Variants in CHPF2 observed in about 807,000 individuals in gnomAD.
The protein encoded by CHPF2 is chondroitin polymerizing factor 2, non-catalytic subunit.
A neutral mutation model predicts 63.0 loss-of-function variants in CHPF2; 58 were observed. That is an observed-to-expected ratio of 0.92 (90% CI 0.75 to 1.15). The LOEUF is 1.15. Ranked by LOEUF, CHPF2 falls within the 50% of genes most tolerant of loss-of-function variation. The probability of loss-of-function intolerance (pLI) is 0.00; values close to 1 mark genes in which losing one functional copy is unlikely to be tolerated. For missense variants in CHPF2, 1,045 were observed against 1,035.4 expected (o/e 1.01, Z -0.13); for synonymous variants, 442 against 438.0 (o/e 1.01, Z -0.11).
At chr7:151,236,351 C>A in intron 2 of CHPF2, 57 bp from the exon 3 acceptor site, 1 of 1,444,058 alleles carries the variant, frequency 6.9e-7, no homozygotes, top group Non-Finnish European at 9.4e-7. Context: ...TGGTTAAGGG[C>A]GGTTTGGGAC....
Position 151,232,611 on chromosome 7 carries a change from C to G in CHPF2, c.-1401C>G, listed in dbSNP as rs1473505588. ...CCTGCCAGGCGCGTGCGGGACGCCGCTCTTGGTCCCCACGCCTCCGCCCCG... is the reference window on the plus strand; with the variant it reads ...CCTGCCAGGCGCGTGCGGGACGCCGGTCTTGGTCCCCACGCCTCCGCCCCG... On this transcript the variant is annotated 5_prime_UTR_variant, in exon 1 of 4. Coordinates refer to ENST00000035307, the MANE Select transcript of CHPF2 (RefSeq NM_019015.3). The G allele has an allele frequency of 9.9e-6, 7 of 703,634 alleles. No individual in the cohort carries two copies. In the East Asian group the frequency reaches 2.4e-4, roughly 24 times the overall value. 43.6% of individuals were successfully genotyped at this position (703,634 alleles called of 1,614,324 possible). A position where few individuals can be genotyped will look rare whatever the true frequency, so the allele number is the denominator to read the frequency against.
Position 151,232,822 on chromosome 7 carries a change from C to T in CHPF2, c.-1190C>T. 1.4e-6 allele frequency: 2 copies of T among 1,477,044 alleles called. No homozygotes were observed. Among genetic ancestry groups the T allele is most frequent in the Non-Finnish European group, 8.9e-7 (1 of 1,120,172 alleles). The allele number at this position is 1,477,044 out of a possible 1,614,324, so 91.5% of individuals were successfully genotyped here. On this transcript the variant is annotated 5_prime_UTR_variant, in exon 1 of 4. Coordinates refer to ENST00000035307, the MANE Select transcript of CHPF2 (RefSeq NM_019015.3). ...GACTGGCCTGAGAACGAGGTCTGTGCCCCAGTCTCCCAGCCGCGACCTCCG... is the reference window on the plus strand; with the variant it reads ...GACTGGCCTGAGAACGAGGTCTGTGTCCCAGTCTCCCAGCCGCGACCTCCG...
Position 151,237,874 on chromosome 7 carries a change from G to C in CHPF2, c.1512G>C (p.Pro504=), listed in dbSNP as rs761507019. The change falls in exon 4 of 4, where the codon CCG becomes CCC. Residue 504 remains proline, a synonymous_variant. Transcript: ENST00000035307. The part of the protein sequence containing the change: ...PLLVAEAAAA[P]AFLEAFAANV... Reference sequence around the variant, plus strand: ...TGGTGGCTGAAGCTGCTGCAGCCCCGGCTTTCCTCGAGGCCTTTGCAGCCA... The same window carrying C: ...TGGTGGCTGAAGCTGCTGCAGCCCCCGCTTTCCTCGAGGCCTTTGCAGCCA... 3.7e-6 allele frequency: 6 copies of C among 1,612,682 alleles called. No individual in the cohort carries two copies. In the Middle Eastern group the frequency reaches 4.9e-4, roughly 133 times the overall value.
chr7:151,238,801 A>G lies in CHPF2; in HGVS notation c.*120A>G, dbSNP rs1802795806. 5.2e-6 allele frequency: 8 copies of G among 1,545,296 alleles called. No homozygotes were observed. Among genetic ancestry groups the G allele is most frequent in the South Asian group, 1.2e-5 (1 of 84,060 alleles). On this transcript the variant is annotated 3_prime_UTR_variant, in exon 4 of 4. Coordinates refer to ENST00000035307, the MANE Select transcript of CHPF2 (RefSeq NM_019015.3). ...TGTATTTTTTAAATATGAAAATGTTATTAAACATGTCTTCTGCCAAACTGT... is the reference window on the plus strand; with the variant it reads ...TGTATTTTTTAAATATGAAAATGTTGTTAAACATGTCTTCTGCCAAACTGT...
rs904645654 is a variant in CHPF2 at position 151,236,131 on chromosome 7, A to G, written c.829-277A>G. Among the ~76,000 whole-genome samples, 9 of 152,362 alleles carry G rather than the reference A, an allele frequency of 5.9e-5. No individual in the cohort carries two copies. The East Asian group carries it at 1.3e-3, about 23-fold the overall frequency. On this transcript the variant is annotated intron_variant, in intron 2 of 3. Transcript: ENST00000035307. ...AAGTATCATTATTATTATTTTTAATATGTTATTTCTGTGATGGCTCCTTGC... is the reference window on the plus strand; with the variant it reads ...AAGTATCATTATTATTATTTTTAATGTGTTATTTCTGTGATGGCTCCTTGC...
In CHPF2 at chr7:151,234,028, T is replaced by C. The variant is rs1029577795; in HGVS notation, c.17T>C (p.Leu6Pro). The change falls in exon 1 of 4, where the codon CTG becomes CCG. Residue 6 changes from leucine to proline, a missense_variant. Physicochemically the swap from Leu to Pro is moderately conservative, Grantham distance 98 (BLOSUM62 -3). Coordinates refer to ENST00000035307, the MANE Select transcript of CHPF2 (RefSeq NM_019015.3). MRLSSLLALLRPALPL... is the reference protein window; with the variant it reads MRLSSPLALLRPALPL... ...CCTACCACCATGCGACTGAGCTCCC[T>C]GTTGGCTCTGCTGCGGCCAGCGCTT... 1 of 1,533,254 alleles carries C rather than the reference T, an allele frequency of 6.5e-7. No individual in the cohort carries two copies. Among genetic ancestry groups the C allele is most frequent in the Non-Finnish European group, 8.8e-7 (1 of 1,140,840 alleles). The allele number at this position is 1,533,254 out of a possible 1,614,324, so 95.0% of individuals were successfully genotyped here.
Position 151,238,198 on chromosome 7 carries a change from C to G in CHPF2, c.1836C>G (p.Ile612Met), listed in dbSNP as rs1332874590. The G allele has an allele frequency of 6.2e-7, 1 of 1,613,112 alleles. No homozygotes were observed. Among genetic ancestry groups the G allele is most frequent in the South Asian group, 1.1e-5 (1 of 91,088 alleles). The change falls in exon 4 of 4, where the codon ATC becomes ATG. Residue 612 changes from isoleucine (I) to methionine (M), a missense_variant. By Grantham distance (10) the Ile-to-Met change is conservative. Coordinates refer to ENST00000035307, the MANE Select transcript of CHPF2 (RefSeq NM_019015.3). ...TCAACCGCTGTCGCATGAATGCCATCTCTGGCTGGCAGGCCTTCTTTCCAG... is the reference window on the plus strand; with the variant it reads ...TCAACCGCTGTCGCATGAATGCCATGTCTGGCTGGCAGGCCTTCTTTCCAG... ...EVLNRCRMNA[I>M]SGWQAFFPVH...
In CHPF2 at chr7:151,234,208, A is replaced by G; in HGVS notation, c.197A>G (p.Glu66Gly). Residue 66 changes from glutamate (E) to glycine (G), a missense_variant, in exon 1 of 4, where the codon GAA (glutamate) becomes GGA (glycine). Glu to Gly is a moderately conservative substitution (Grantham distance 98, BLOSUM62 -2). Coordinates refer to ENST00000035307, the MANE Select transcript of CHPF2 (RefSeq NM_019015.3). ...DSRARLDQSD[E>G]DFKPRIVPYY... is the part of the protein sequence containing the mutation. ...AGAGCTCGGCTAGACCAAAGTGATG[A>G]AGACTTCAAACCCCGGATTGTCCCC... is the stretch of plus-strand genomic sequence containing the variant. 1 of 1,613,196 alleles carries G rather than the reference A, an allele frequency of 6.2e-7. No individual in the cohort carries two copies.
chr7:151,238,338 C>CT lies in CHPF2; in HGVS notation c.1977dup (p.Ile660TyrfsTer6). On this transcript the variant is annotated frameshift_variant, in exon 4 of 4. Transcript: ENST00000035307. LOFTEE classifies it high-confidence loss of function. ...GGTGCTGACCCCTCCCGGGGGGCTC[C>CT]TATAGGGGGGAGATTTGACCGGCAG... 6.2e-7 allele frequency: 1 copy of CT among 1,609,732 alleles called. No homozygotes were observed. The highest frequency in any genetic ancestry group is 8.5e-7 in the Non-Finnish European group (1 of 1,177,886).
chr7:151,233,500 C>G lies in CHPF2; in HGVS notation c.-512C>G. The G allele has an allele frequency of 1.0e-6, 1 of 985,888 alleles. No homozygotes were observed. The highest frequency in any genetic ancestry group is 1.2e-6 in the Non-Finnish European group (1 of 830,266). The allele number at this position is 985,888 out of a possible 1,614,324, so 61.1% of individuals were successfully genotyped here. On this transcript the variant is annotated 5_prime_UTR_variant, in exon 1 of 4. Transcript: ENST00000035307. ...CCCCTTCAGTAGCCCGCCTGAGGAC[C>G]GATGCCAGAGGCAGGCATTCTTCCG...
chr7:151,232,825 C>T lies in CHPF2; in HGVS notation c.-1187C>T. The T allele has an allele frequency of 6.8e-7, 1 of 1,476,120 alleles. No individual in the cohort carries two copies. Among genetic ancestry groups the T allele is most frequent in the Non-Finnish European group, 8.9e-7 (1 of 1,119,918 alleles). 91.4% of individuals were successfully genotyped at this position (1,476,120 alleles called of 1,614,324 possible). A position where few individuals can be genotyped will look rare whatever the true frequency, so the allele number is the denominator to read the frequency against. ...TGGCCTGAGAACGAGGTCTGTGCCC[C>T]AGTCTCCCAGCCGCGACCTCCGACC... On this transcript the variant is annotated 5_prime_UTR_variant, in exon 1 of 4. It introduces an in-frame stop codon into an upstream open reading frame of the 5' UTR. Coordinates refer to ENST00000035307, the MANE Select transcript of CHPF2 (RefSeq NM_019015.3).
rs140938228 is a variant in CHPF2 at position 151,237,739 on chromosome 7, G to C, written c.1377G>C (p.Arg459=). 3.3e-5 allele frequency: 53 copies of C among 1,612,508 alleles called. No individual in the cohort carries two copies. The South Asian group carries it at 4.1e-4, about 12-fold the overall frequency. ...LLECVTQRGH[R]RALARRVSLL... ...AATGTGTGACACAGCGTGGGCACCG[G>C]CGGGCCCTGGCTCGCAGGGTCAGCC... Residue 459 remains arginine, a synonymous_variant, in exon 4 of 4, where the codon CGG becomes CGC. Transcript: ENST00000035307.
rs776104505 is a variant in CHPF2 at position 151,235,618 on chromosome 7, A to G, written c.828+6A>G. 3 of 1,598,326 alleles carry G rather than the reference A, an allele frequency of 1.9e-6. No homozygotes were observed. The highest frequency in any genetic ancestry group is 1.7e-5 in the Admixed American group (1 of 59,812). On this transcript the variant is annotated splice_donor_region_variant and intron_variant, in intron 2 of 3. Coordinates refer to ENST00000035307, the MANE Select transcript of CHPF2 (RefSeq NM_019015.3). ...GCTGTGTCTCACAGCACCAGGTGAC[A>G]GCTCTTTCAAGTCAGTCCCAGTCCC...
intron 2 of CHPF2, among the ~76,000 whole-genome samples, chr7:151,236,173 G>A (rs893959413): frequency 1.3e-5 from 2 of 152,210 alleles, no homozygotes; most frequent in Admixed American, 6.5e-5. Flanking sequence ...GGGCTAGCCT[G>A]TAAGCAATGC....
Position 151,235,350 on chromosome 7 carries a change from C to T in CHPF2, c.566C>T (p.Ala189Val), listed in dbSNP as rs146139489. Residue 189 changes from alanine to valine, a missense_variant, in exon 2 of 4, where the codon GCC (alanine) becomes GTC (valine). Transcript: ENST00000035307. ...ATGCAGGATGACACATATGTGCAGG[C>T]CCCCCGCCTGGCAGCCCTTGCTGGC... is the stretch of plus-strand genomic sequence containing the variant. Reference protein sequence around the residue: ...FIMQDDTYVQAPRLAALAGHL... With the variant: ...FIMQDDTYVQVPRLAALAGHL... 570 of 1,613,592 alleles carry T rather than the reference C, an allele frequency of 3.5e-4. 3 individuals are homozygous for T. The highest frequency in any genetic ancestry group is 2.3e-4 in the Admixed American group (14 of 60,008).
Position 151,235,245 on chromosome 7 carries a change from A to C in CHPF2, c.461A>C (p.Glu154Ala), listed in dbSNP as rs1802600806. The change falls in exon 2 of 4, where the codon GAG becomes GCG. Residue 154 changes from glutamate to alanine, a missense_variant. Glu to Ala is a moderately radical substitution (Grantham distance 107). Transcript: ENST00000035307. Reference sequence around the variant, plus strand: ...ATGCAGGTGGTGTCTCATGGGGATGAGCGGCCCGCCTGGCTCATGTCAGAG... The same window carrying C: ...ATGCAGGTGGTGTCTCATGGGGATGCGCGGCCCGCCTGGCTCATGTCAGAG... ...AGMQVVSHGD[E>A]RPAWLMSETL... The C allele has an allele frequency of 6.2e-7, 1 of 1,612,936 alleles. No individual in the cohort carries two copies. Among genetic ancestry groups the C allele is most frequent in the Admixed American group, 1.7e-5 (1 of 59,996 alleles).
chr7:151,232,585 C>G lies in CHPF2; in HGVS notation c.-1427C>G. The G allele has an allele frequency of 5.1e-6, 3 of 592,324 alleles. No individual in the cohort carries two copies. Among genetic ancestry groups the G allele is most frequent in the Non-Finnish European group, 8.4e-6 (3 of 356,820 alleles). 36.7% of individuals were successfully genotyped at this position (592,324 alleles called of 1,614,324 possible). On this transcript the variant is annotated 5_prime_UTR_variant, in exon 1 of 4. Coordinates refer to ENST00000035307, the MANE Select transcript of CHPF2 (RefSeq NM_019015.3). ...CTGTTCCCCCTTCCCCGTCCCTGCT[C>G]CCTGCCAGGCGCGTGCGGGACGCCG...
chr7:151,235,428 G>A lies in CHPF2; in HGVS notation c.644G>A (p.Gly215Asp), dbSNP rs1802609442. ...TTAGGCCGGGCAGAGGAGTTCATTG[G>A]CGCAGGCGAGCAGGCCCGGTACTGT... ...LYLGRAEEFIGAGEQARYCHG... is the reference protein window; with the variant it reads ...LYLGRAEEFIDAGEQARYCHG... Residue 215 changes from glycine to aspartate, a missense_variant, in exon 2 of 4, where the codon GGC becomes GAC. Coordinates refer to ENST00000035307, the MANE Select transcript of CHPF2 (RefSeq NM_019015.3). 3.1e-6 allele frequency: 5 copies of A among 1,612,408 alleles called. No individual in the cohort carries two copies. The Admixed American group carries it at 5.0e-5, about 16-fold the overall frequency.
At position 151,236,402 on chromosome 7, in the gene CHPF2, C is replaced by T. The variant is rs915531584; in HGVS notation, c.829-6C>T. ...GTGTCATTGATTGGTCTGATTGTCCCTCTAGGGGCAGCAGTATCGCTCATT... is the reference window on the plus strand; with the variant it reads ...GTGTCATTGATTGGTCTGATTGTCCTTCTAGGGGCAGCAGTATCGCTCATT... On this transcript the variant is annotated splice_polypyrimidine_tract_variant and splice_region_variant and intron_variant, in intron 2 of 3. Coordinates refer to ENST00000035307, the MANE Select transcript of CHPF2 (RefSeq NM_019015.3). 7 of 1,567,028 alleles carry T rather than the reference C, an allele frequency of 4.5e-6. No homozygotes were observed. The highest frequency in any genetic ancestry group is 6.1e-6 in the Non-Finnish European group (7 of 1,149,698).
Sources: allele counts gnomAD v4.1 joint callset (sites outside exome capture counted in the v4.1 genomes callset), GRCh38; gene constraint gnomAD v4.1.1; transcripts MANE v1.5; gene names NCBI Gene and HGNC (gene_info 2026-07-23, HGNC 2026-07-21).